ADK: variants seen among roughly 807,000 people sequenced by gnomAD.
ADK encodes adenosine kinase.
In ADK, 24 loss-of-function variants were observed where a neutral mutation model predicts 44.7. The ratio of observed to expected loss-of-function variants is 0.54; its 90% CI spans 0.39 to 0.76. The LOEUF is 0.76. Ranked by LOEUF, ADK falls within the 30% of genes least tolerant of loss-of-function variation. ADK has a pLI of 0.00. For missense variants in ADK, 321 were observed against 425.1 expected (o/e 0.76, Z 2.15); for synonymous variants, 128 against 142.6 (o/e 0.90, Z 0.73).
At chr10:74,342,270 G>A (rs1477681201) in intron 4 of ADK, among the ~76,000 whole-genome samples, 1 of 152,072 alleles carries the variant, frequency 6.6e-6, no homozygotes, top group Non-Finnish European at 1.5e-5. Flanking sequence ...CCATGAATGT[G>A]GGATGTTTTT....
chr10:74,600,348 A>G, intron 8 of ADK, 31 bp from the exon 9 acceptor site: 3 of 1,431,198 alleles, frequency 2.1e-6, no homozygotes, highest in Non-Finnish European at 2.9e-6. Context: ...TTTATTGGTC[A>G]TGAGAATTTT....
chr10:74,166,974 A>G (rs1326893634), intron 1 of ADK, among the ~76,000 whole-genome samples: 1 of 152,222 alleles, frequency 6.6e-6, no homozygotes, highest in Non-Finnish European at 1.5e-5. Context: ...TGAGTTGTAT[A>G]GACTAAAATG....
chr10:74,234,191 C>A (rs1253505203), intron 3 of ADK, among the ~76,000 whole-genome samples: 1 of 152,126 alleles, frequency 6.6e-6, no homozygotes, highest in Non-Finnish European at 1.5e-5. Context: ...TTATTAGCAG[C>A]CAATCTAACC....
rs74475072 is a variant in ADK at position 74,525,578 on chromosome 10, A to G, written c.726+152A>G. The G allele has an allele frequency of 2.0e-3, 1,270 of 646,008 alleles. 11 individuals are homozygous for G. The highest frequency in any genetic ancestry group is 0.016 in the African/African-American group (885 of 54,610). The allele number at this position is 646,008 out of a possible 1,614,324, so 40.0% of individuals were successfully genotyped here. On this transcript the variant is annotated intron_variant, in intron 7 of 10. Coordinates refer to ENST00000539909, the MANE Select transcript of ADK (RefSeq NM_006721.4). The stretch of plus-strand genomic sequence containing the variant: ...GTGCAACAAAATTGCCTCAATGTCA[A>G]CTGCTCTCAGTATTTTCAATATTTC...
At chr10:74,477,729 A>G (rs940347861) in intron 6 of ADK, among the ~76,000 whole-genome samples, 8 of 152,096 alleles carry the variant, frequency 5.3e-5, no homozygotes, top group African/African-American at 1.7e-4. Flanking sequence ...TCTATTTTGT[A>G]TATTTGTTCC....
At chr10:74,216,894 A>T (rs1844061683) in intron 2 of ADK, among the ~76,000 whole-genome samples, 1 of 152,216 alleles carries the variant, frequency 6.6e-6, no homozygotes, top group South Asian at 2.1e-4. Context: ...AGGAGCCCAG[A>T]TGGCCGAATA....
chr10:74,705,159 A>G (rs762647777), intron 10 of ADK, among the ~76,000 whole-genome samples: 7 of 152,220 alleles, frequency 4.6e-5, no homozygotes, highest in Non-Finnish European at 1.5e-5. Context: ...ACAGGTCATT[A>G]TACCACAGCT....
chr10:74,578,832 T>C (rs1020296459), intron 7 of ADK, among the ~76,000 whole-genome samples: 10 of 152,152 alleles, frequency 6.6e-5, no homozygotes, highest in African/African-American at 2.4e-4. Context: ...ATGTCAAATG[T>C]AGATTATGGT....
At chr10:74,653,853 T>C (rs1443198638) in intron 9 of ADK, among the ~76,000 whole-genome samples, 2 of 152,232 alleles carry the variant, frequency 1.3e-5, no homozygotes, top group Admixed American at 6.5e-5. Context: ...GAAATTGACT[T>C]CATACTTAGG....
chr10:74,387,537 C>T (rs907196431), intron 4 of ADK, among the ~76,000 whole-genome samples: 3 of 152,170 alleles, frequency 2.0e-5, no homozygotes, highest in African/African-American at 7.2e-5. Flanking sequence ...TGCTGTATGA[C>T]TCTTTTTTCT....
At chr10:74,564,003 A>T (rs1301339414) in intron 7 of ADK, among the ~76,000 whole-genome samples, 1 of 151,952 alleles carries the variant, frequency 6.6e-6, no homozygotes, top group Non-Finnish European at 1.5e-5. Context: ...CTAACTCGTC[A>T]TCTAGCATTA....
intron 10 of ADK, among the ~76,000 whole-genome samples, chr10:74,702,453 A>G (rs1052360895): frequency 6.6e-6 from 1 of 151,754 alleles, no homozygotes; most frequent in Non-Finnish European, 1.5e-5. Flanking sequence ...AAGTGCTGAG[A>G]TTACAGGCAG....
At chr10:74,267,220 A>G (rs1190993856) in intron 3 of ADK, among the ~76,000 whole-genome samples, 1 of 152,170 alleles carries the variant, frequency 6.6e-6, no homozygotes, top group Non-Finnish European at 1.5e-5. Context: ...TCCAGTAAAT[A>G]CAGTTGGCCC....
chr10:74,404,490 A>G (rs1216030872), intron 6 of ADK, among the ~76,000 whole-genome samples: 4 of 152,096 alleles, frequency 2.6e-5, no homozygotes, highest in East Asian at 1.9e-4. Context: ...CAGCTTTTGT[A>G]TGTTTGAAAA....
chr10:74,214,856 TTG>T (rs1843954632), intron 2 of ADK, among the ~76,000 whole-genome samples: 1 of 152,224 alleles, frequency 6.6e-6, no homozygotes, highest in Admixed American at 6.5e-5. Context: ...TGGACACTTT[TTG>T]TGTAATGTTA....
At chr10:74,627,801 T>C (rs980889287) in intron 9 of ADK, among the ~76,000 whole-genome samples, 1 of 152,014 alleles carries the variant, frequency 6.6e-6, no homozygotes, top group South Asian at 2.1e-4. Context: ...CCTGGCTAAT[T>C]TTTTTTGGTA....
intron 3 of ADK, among the ~76,000 whole-genome samples, chr10:74,259,775 G>A (rs1011580782): frequency 1.3e-4 from 19 of 151,972 alleles, no homozygotes; most frequent in African/African-American, 4.3e-4. Context: ...TCAATTATCT[G>A]CTCATTGAAT....
chr10:74,381,272 A>G (rs1298387723), intron 4 of ADK, among the ~76,000 whole-genome samples: 6 of 152,246 alleles, frequency 3.9e-5, no homozygotes, highest in Admixed American at 3.9e-4. Context: ...ATTTGATTTG[A>G]CATTAAAAAT....
chr10:74,463,893 G>A (rs1053124668), intron 6 of ADK, among the ~76,000 whole-genome samples: 6 of 152,078 alleles, frequency 3.9e-5, no homozygotes, highest in Non-Finnish European at 7.4e-5. Flanking sequence ...AATGTTATTA[G>A]AAAGAAATTA....
Sources: allele counts gnomAD v4.1 joint callset (sites outside exome capture counted in the v4.1 genomes callset), GRCh38; gene constraint gnomAD v4.1.1; transcripts MANE v1.5; gene names NCBI Gene and HGNC (gene_info 2026-07-23, HGNC 2026-07-21).